The following GRM5 variants were observed in gnomAD, a reference collection of about 807,000 sequenced individuals.
GRM5 encodes glutamate metabotropic receptor 5.
In GRM5, 19 loss-of-function variants were observed where a neutral mutation model predicts 83.1. The ratio of observed to expected loss-of-function variants is 0.23; its 90% CI spans 0.16 to 0.34. The LOEUF (loss-of-function observed/expected upper bound fraction) is 0.34, where lower values mean the gene tolerates loss of function less well. Ranked by LOEUF, GRM5 falls within the 10% of genes least tolerant of loss-of-function variation. The pLI is 1.00. For missense variants in GRM5, 1,160 were observed against 1,588.3 expected, an observed-to-expected ratio of 0.73 and a Z score of 4.58; for synonymous variants, 675 against 633.6, an observed-to-expected ratio of 1.07 and a Z score of -0.98.
chr11:88,802,710 A>C (rs1943421576), intron 3 of GRM5, among the ~76,000 whole-genome samples: 5 of 149,726 alleles, frequency 3.3e-5, no homozygotes, highest in African/African-American at 4.9e-5. Context: ...GAAGGAAATA[A>C]AGGGTATTCA....
chr11:88,553,160 G>A (rs1015078363), intron 8 of GRM5, among the ~76,000 whole-genome samples: 1 of 152,184 alleles, frequency 6.6e-6, no homozygotes, highest in African/African-American at 2.4e-5. Flanking sequence ...AGTGAATGAT[G>A]AAATCAATTT....
At chr11:88,907,296 A>T (rs551455176) in intron 2 of GRM5, among the ~76,000 whole-genome samples, 1 of 152,282 alleles carries the variant, frequency 6.6e-6, no homozygotes, top group Non-Finnish European at 1.5e-5. Context: ...GGGAGGCCAC[A>T]GCTGGCCACA....
chr11:88,704,069 G>C (rs1047139701), intron 3 of GRM5, among the ~76,000 whole-genome samples: 1 of 151,970 alleles, frequency 6.6e-6, no homozygotes, highest in African/African-American at 2.4e-5. Flanking sequence ...TCTTCAGATG[G>C]CCCTTTTGTG....
At chr11:88,977,185 C>T (rs1170979526) in intron 2 of GRM5, among the ~76,000 whole-genome samples, 1 of 149,818 alleles carries the variant, frequency 6.7e-6, no homozygotes, top group African/African-American at 2.4e-5. Flanking sequence ...ATTTTTGTTT[C>T]TATTTTTATT....
At chr11:88,833,895 T>G (rs1307115668) in intron 3 of GRM5, among the ~76,000 whole-genome samples, 2 of 152,146 alleles carry the variant, frequency 1.3e-5, no homozygotes, top group East Asian at 1.9e-4. Context: ...ATGTTCTCAC[T>G]CACATATGTG....
intron 3 of GRM5, among the ~76,000 whole-genome samples, chr11:88,658,273 A>T (rs1278860131): frequency 3.9e-5 from 6 of 152,138 alleles, no homozygotes; most frequent in Admixed American, 2.0e-4. Flanking sequence ...TAGAAGGAAA[A>T]ACAGATGATA....
chr11:89,030,293 T>G (rs1405906634), intron 2 of GRM5, among the ~76,000 whole-genome samples: 1 of 152,154 alleles, frequency 6.6e-6, no homozygotes, highest in Non-Finnish European at 1.5e-5. Flanking sequence ...AATGCTTTTT[T>G]TCTTATACAA....
At chr11:88,633,087 T>C (rs1939022209) in intron 4 of GRM5, among the ~76,000 whole-genome samples, 1 of 152,176 alleles carries the variant, frequency 6.6e-6, no homozygotes, top group Non-Finnish European at 1.5e-5. Context: ...AGATGCTCAA[T>C]ATCAGTAATC....
chr11:88,961,311 T>A (rs1384718337), intron 2 of GRM5, among the ~76,000 whole-genome samples: 1 of 152,096 alleles, frequency 6.6e-6, no homozygotes, highest in African/African-American at 2.4e-5. Flanking sequence ...CAGTGATTTG[T>A]GTTTTGTCAA....
At chr11:89,003,565 A>G (rs545024274) in intron 2 of GRM5, among the ~76,000 whole-genome samples, 1 of 152,308 alleles carries the variant, frequency 6.6e-6, no homozygotes, top group African/African-American at 2.4e-5. Flanking sequence ...ATAACAATGA[A>G]CCAAGTCTTA....
chr11:88,800,368 A>G (rs2135485538), intron 3 of GRM5, among the ~76,000 whole-genome samples: 2 of 152,102 alleles, frequency 1.3e-5, no homozygotes, highest in African/African-American at 4.8e-5. Flanking sequence ...TCCTTTTCTG[A>G]CAATCACAGG....
intron 4 of GRM5, among the ~76,000 whole-genome samples, chr11:88,650,340 G>GA (rs1939597972): frequency 6.6e-6 from 1 of 151,776 alleles, no homozygotes; most frequent in Non-Finnish European, 1.5e-5. Flanking sequence ...ACTATATGAG[G>GA]AATTTTTCCA....
At chr11:88,935,785 A>C (rs1435829350) in intron 2 of GRM5, among the ~76,000 whole-genome samples, 1 of 152,072 alleles carries the variant, frequency 6.6e-6, no homozygotes, top group East Asian at 1.9e-4. Context: ...TAGGTTGTTC[A>C]TATATTATTT....
intron 2 of GRM5, among the ~76,000 whole-genome samples, chr11:88,892,117 T>C (rs2135586064): frequency 6.6e-6 from 1 of 151,754 alleles, no homozygotes; most frequent in Admixed American, 6.6e-5. Context: ...AACCTTAACT[T>C]ACGGCAATAT....
intron 2 of GRM5, among the ~76,000 whole-genome samples, chr11:89,004,055 G>C (rs1294626013): frequency 1.3e-5 from 2 of 152,210 alleles, no homozygotes; most frequent in Non-Finnish European, 2.9e-5. Flanking sequence ...GTGAGTTGTA[G>C]ATCCTTTTGA....
intron 4 of GRM5, among the ~76,000 whole-genome samples, chr11:88,612,511 T>C (rs2135243252): frequency 6.6e-6 from 1 of 152,318 alleles, no homozygotes; most frequent in Non-Finnish European, 1.5e-5. Context: ...TCAAATGGTA[T>C]TTCTAGTTCT....
intron 3 of GRM5, among the ~76,000 whole-genome samples, chr11:88,751,256 G>T (rs1942268884): frequency 6.6e-6 from 1 of 151,788 alleles, no homozygotes; most frequent in Admixed American, 6.6e-5. Flanking sequence ...AATACAATCA[G>T]AAAGGATAAG....
chr11:88,728,590 A>G (rs1350847556), intron 3 of GRM5, among the ~76,000 whole-genome samples: 1 of 152,218 alleles, frequency 6.6e-6, no homozygotes, highest in Non-Finnish European at 1.5e-5. Flanking sequence ...ATTTCAGGCC[A>G]GTATCCCTGA....
At chr11:88,691,486 G>GA (rs1940779547) in intron 3 of GRM5, among the ~76,000 whole-genome samples, 3 of 152,162 alleles carry the variant, frequency 2.0e-5, no homozygotes, top group Non-Finnish European at 2.9e-5. Flanking sequence ...ATATAGCAAA[G>GA]ATTTCACCTA....
Sources: allele counts gnomAD v4.1 joint callset (sites outside exome capture counted in the v4.1 genomes callset), GRCh38; gene constraint gnomAD v4.1.1; transcripts MANE v1.5; gene names NCBI Gene and HGNC (gene_info 2026-07-23, HGNC 2026-07-21).